The following MYO3B variants were observed in gnomAD, a reference collection of about 807,000 sequenced individuals.
MYO3B encodes myosin-IIIb.
In MYO3B, 156 loss-of-function variants were observed where a neutral mutation model predicts 174.6. The ratio of observed to expected loss-of-function variants is 0.89; its 90% CI spans 0.78 to 1.02. The LOEUF is 1.02. Among genes scored for constraint, MYO3B ranks in the 50% least tolerant of loss-of-function variants. The pLI, the probability that MYO3B is intolerant of heterozygous loss-of-function variation, is 0.00. For missense variants in MYO3B, 1,632 were observed against 1,639.4 expected, an observed-to-expected ratio of 1.00 and a Z score of 0.08; for synonymous variants, 563 against 569.1, an observed-to-expected ratio of 0.99 and a Z score of 0.15.
intron 8 of MYO3B, among the ~76,000 whole-genome samples, chr2:170,347,438 C>T (rs953624643): frequency 6.6e-6 from 1 of 152,026 alleles, no homozygotes; most frequent in African/African-American, 2.4e-5. Flanking sequence ...CCCATCTCTG[C>T]TGAAAATACA....
intron 7 of MYO3B, among the ~76,000 whole-genome samples, chr2:170,286,183 T>G (rs550096492): frequency 6.6e-6 from 1 of 152,208 alleles, no homozygotes; most frequent in Non-Finnish European, 1.5e-5. Context: ...TGAGGATGGG[T>G]AAGCAGAACT....
intron 6 of MYO3B, among the ~76,000 whole-genome samples, chr2:170,219,180 G>A (rs72885640): frequency 7.9e-5 from 12 of 152,262 alleles, no homozygotes; most frequent in Non-Finnish European, 1.5e-4. Context: ...CCCACATTGA[G>A]GCTCCTTTCC....
At chr2:170,634,324 A>G (rs1278553542) in intron 32 of MYO3B, among the ~76,000 whole-genome samples, 1 of 152,134 alleles carries the variant, frequency 6.6e-6, no homozygotes, top group Non-Finnish European at 1.5e-5. Context: ...CACATCTACA[A>G]CCATCTGATC....
At position 170,214,722 on chromosome 2, in the gene MYO3B, C is replaced by T; in HGVS notation, c.427-7C>T. On this transcript the variant is annotated splice_region_variant and splice_polypyrimidine_tract_variant and intron_variant, in intron 4 of 34. Transcript: ENST00000408978. ...CTGTTGTTTGGTGGTGGTGGGATGC[C>T]ATGCAGGGCCTTCAGCATTTGCACA... 5 of 1,612,198 alleles carry T rather than the reference C, an allele frequency of 3.1e-6. No individual in the cohort carries two copies. Among genetic ancestry groups the T allele is most frequent in the Non-Finnish European group, 4.2e-6 (5 of 1,178,338 alleles).
chr2:170,428,221 T>C (rs1055753482), intron 22 of MYO3B, among the ~76,000 whole-genome samples: 13 of 152,204 alleles, frequency 8.5e-5, no homozygotes, highest in Admixed American at 7.9e-4. Flanking sequence ...GAAGAGAACA[T>C]TGGCAAATTA....
chr2:170,258,173 A>G (rs2093319072), intron 7 of MYO3B, among the ~76,000 whole-genome samples: 1 of 152,126 alleles, frequency 6.6e-6, no homozygotes, highest in Non-Finnish European at 1.5e-5. Context: ...TCCTACTGAA[A>G]TTATCCACAA....
At chr2:170,288,269 T>A (rs1387424337) in intron 7 of MYO3B, among the ~76,000 whole-genome samples, 1 of 151,894 alleles carries the variant, frequency 6.6e-6, no homozygotes, top group Admixed American at 6.6e-5. Flanking sequence ...AGAATGTCAT[T>A]GGTATTCTAA....
chr2:170,631,959 T>C (rs182893415), intron 32 of MYO3B, among the ~76,000 whole-genome samples: 57 of 150,606 alleles, frequency 3.8e-4, no homozygotes, highest in Non-Finnish European at 7.3e-4. Context: ...CTATCCTAAA[T>C]ATATACAGGA....
chr2:170,601,284 G>C (rs1479071359), intron 32 of MYO3B, among the ~76,000 whole-genome samples: 1 of 152,162 alleles, frequency 6.6e-6, no homozygotes, highest in East Asian at 1.9e-4. Flanking sequence ...AGCTGCATCA[G>C]AGACAACTAA....
chr2:170,450,475 C>G (rs1447481312), intron 23 of MYO3B, among the ~76,000 whole-genome samples: 4 of 152,056 alleles, frequency 2.6e-5, no homozygotes, highest in Non-Finnish European at 5.9e-5. Flanking sequence ...AAGACCTGTA[C>G]TCTGATAGAG....
At chr2:170,625,038 G>T (rs1289423367) in intron 32 of MYO3B, among the ~76,000 whole-genome samples, 1 of 152,154 alleles carries the variant, frequency 6.6e-6, no homozygotes, top group Non-Finnish European at 1.5e-5. Flanking sequence ...TTGTTTTGTT[G>T]TGTCTCTGCC....
chr2:170,560,350 T>A (rs533100447), intron 32 of MYO3B, among the ~76,000 whole-genome samples: 1 of 152,194 alleles, frequency 6.6e-6, no homozygotes, highest in South Asian at 2.1e-4. Context: ...CCTAAATGGT[T>A]TCAGGAATAT....
intron 23 of MYO3B, among the ~76,000 whole-genome samples, chr2:170,460,280 G>A (rs554342500): frequency 6.6e-6 from 1 of 152,086 alleles, no homozygotes; most frequent in South Asian, 2.1e-4. Context: ...TCAAGGTCAG[G>A]GGTTCAAGAC....
intron 32 of MYO3B, among the ~76,000 whole-genome samples, chr2:170,619,783 G>A (rs1232072666): frequency 1.0e-5 from 1 of 98,388 alleles, no homozygotes; most frequent in Non-Finnish European, 1.9e-5. Context: ...GTCTCGTTCT[G>A]TTGCCCAAGC....
chr2:170,347,279 T>G (rs1173049353), intron 8 of MYO3B, among the ~76,000 whole-genome samples: 2 of 152,180 alleles, frequency 1.3e-5, no homozygotes, highest in Admixed American at 1.3e-4. Flanking sequence ...AGTAGGTCAC[T>G]ACTCAGATGG....
intron 9 of MYO3B, among the ~76,000 whole-genome samples, chr2:170,375,784 TC>T (rs1182626753): frequency 1.3e-5 from 2 of 151,964 alleles, no homozygotes; most frequent in Non-Finnish European, 2.9e-5. Context: ...GTTATTGGGT[TC>T]TTATGTAAAT....
At chr2:170,181,513 A>G (rs1278336738) in intron 1 of MYO3B, among the ~76,000 whole-genome samples, 3 of 152,128 alleles carry the variant, frequency 2.0e-5, no homozygotes, top group African/African-American at 7.2e-5. Context: ...TTCTGATCTT[A>G]AGGTGAAAGC....
chr2:170,246,095 C>T (rs1343375679), intron 7 of MYO3B, among the ~76,000 whole-genome samples: 1 of 152,044 alleles, frequency 6.6e-6, no homozygotes, highest in East Asian at 1.9e-4. Context: ...TTACAAGTTC[C>T]CTAGATGATT....
intron 25 of MYO3B, among the ~76,000 whole-genome samples, chr2:170,471,851 C>A (rs2105982846): frequency 6.6e-6 from 1 of 152,108 alleles, no homozygotes; most frequent in South Asian, 2.1e-4. Flanking sequence ...ATTAGCTGGG[C>A]ATGGTGGCAC....
Sources: allele counts gnomAD v4.1 joint callset (sites outside exome capture counted in the v4.1 genomes callset), GRCh38; gene constraint gnomAD v4.1.1; transcripts MANE v1.5; gene names NCBI Gene and HGNC (gene_info 2026-07-23, HGNC 2026-07-21).